The following ASTN1 variants were observed in gnomAD, a reference collection of about 807,000 sequenced individuals.
ASTN1 encodes the protein astrotactin-1.
Under a neutral mutation model 140.7 loss-of-function variants are expected in ASTN1, and 41 were observed. The ratio of observed to expected loss-of-function variants is 0.29; its 90% CI spans 0.23 to 0.38. The LOEUF is 0.38. Ranked by LOEUF, ASTN1 falls within the 10% of genes least tolerant of loss-of-function variation. The probability of loss-of-function intolerance (pLI) is 1.00; values close to 1 mark genes in which losing one functional copy is unlikely to be tolerated. For synonymous variants in ASTN1, 640 were observed against 652.2 expected (o/e 0.98, Z 0.29); for missense variants, 1,479 against 1,678.8 (o/e 0.88, Z 2.08).
intron 2 of ASTN1, among the ~76,000 whole-genome samples, chr1:177,036,884 A>G (rs1260515808): frequency 1.3e-5 from 2 of 151,740 alleles, no homozygotes; most frequent in East Asian, 3.9e-4. Flanking sequence ...CAGAGGTGTG[A>G]TCTTGGCCCA....
At chr1:176,933,579 C>T (rs904351447) in intron 16 of ASTN1, among the ~76,000 whole-genome samples, 1 of 152,166 alleles carries the variant, frequency 6.6e-6, no homozygotes, top group Admixed American at 6.5e-5. Flanking sequence ...GAACTGAATA[C>T]TAACTTGCTG....
intron 17 of ASTN1, among the ~76,000 whole-genome samples, chr1:176,891,824 C>A (rs1404507233): frequency 6.6e-6 from 1 of 151,914 alleles, no homozygotes; most frequent in Non-Finnish European, 1.5e-5. Flanking sequence ...CAAAAACAAA[C>A]AACAAAAACA....
chr1:176,863,935 A>G lies in ASTN1; in HGVS notation c.*349T>C, dbSNP rs1254127669. On this transcript the variant is annotated 3_prime_UTR_variant, in exon 23 of 23. Transcript: ENST00000361833. ...TGAGTGAGCACAGGGTGCCTACTTA[A>G]TAGACTTTTCATGGGGAGCACGGCA... The G allele has an allele frequency of 9.2e-7, 1 of 1,082,330 alleles. No individual in the cohort carries two copies. Among genetic ancestry groups the G allele is most frequent in the Non-Finnish European group, 1.1e-6 (1 of 888,736 alleles). The allele number at this position is 1,082,330 out of a possible 1,614,324, so 67.0% of individuals were successfully genotyped here.
intron 8 of ASTN1, among the ~76,000 whole-genome samples, chr1:176,965,495 G>A (rs535596588): frequency 2.6e-5 from 4 of 152,334 alleles, no homozygotes; most frequent in African/African-American, 9.6e-5. Flanking sequence ...TACATATAGA[G>A]TAAAACTATA....
chr1:177,108,580 G>C (rs1680664564), intron 1 of ASTN1, among the ~76,000 whole-genome samples: 1 of 151,982 alleles, frequency 6.6e-6, no homozygotes, highest in Non-Finnish European at 1.5e-5. Flanking sequence ...CCCACTCCCT[G>C]CCCCAACACA....
chr1:176,963,448 T>C (rs1173370067), intron 9 of ASTN1, among the ~76,000 whole-genome samples: 2 of 152,184 alleles, frequency 1.3e-5, no homozygotes, highest in Non-Finnish European at 2.9e-5. Flanking sequence ...AGGCTAGTTA[T>C]TTCCATGTTA....
At chr1:176,984,661 T>A (rs1367334668) in intron 8 of ASTN1, among the ~76,000 whole-genome samples, 2 of 152,228 alleles carry the variant, frequency 1.3e-5, no homozygotes, top group South Asian at 2.1e-4. Context: ...GAAATGGTGA[T>A]AAGCAATCAA....
chr1:176,918,433 A>C (rs1670583685), intron 16 of ASTN1, among the ~76,000 whole-genome samples: 2 of 152,076 alleles, frequency 1.3e-5, no homozygotes, highest in Admixed American at 6.6e-5. Context: ...ACAGGCCTAC[A>C]TGAAGCTCTT....
chr1:176,910,045 C>T (rs1345577360), intron 16 of ASTN1, among the ~76,000 whole-genome samples: 2 of 152,074 alleles, frequency 1.3e-5, no homozygotes, highest in Admixed American at 6.6e-5. Context: ...ATGCAACCAT[C>T]CCCCAACAAA....
At chr1:176,872,551 A>G (rs987573764) in intron 21 of ASTN1, among the ~76,000 whole-genome samples, 1 of 152,240 alleles carries the variant, frequency 6.6e-6, no homozygotes, top group Non-Finnish European at 1.5e-5. Context: ...GATGTAGAGC[A>G]TGAGAGCAGG....
intron 1 of ASTN1, among the ~76,000 whole-genome samples, chr1:177,113,048 G>A (rs916607317): frequency 3.3e-5 from 5 of 152,130 alleles, no homozygotes; most frequent in Admixed American, 3.3e-4. Flanking sequence ...GCACAGAGCC[G>A]ACCTGCATGA....
intron 8 of ASTN1, among the ~76,000 whole-genome samples, chr1:176,979,156 G>A (rs1042154377): frequency 2.6e-5 from 4 of 152,174 alleles, no homozygotes; most frequent in South Asian, 4.1e-4. Context: ...CTGGGCTATA[G>A]GGGGATCATG....
At chr1:177,018,751 C>T (rs1046606184) in intron 7 of ASTN1, among the ~76,000 whole-genome samples, 4 of 152,148 alleles carry the variant, frequency 2.6e-5, no homozygotes, top group African/African-American at 4.8e-5. Context: ...GTCACTGAAA[C>T]CAGGTAGTCT....
chr1:176,951,717 C>T (rs577767816), intron 11 of ASTN1, among the ~76,000 whole-genome samples: 19 of 152,310 alleles, frequency 1.2e-4, no homozygotes, highest in Admixed American at 6.5e-4. Context: ...ATGACCACTG[C>T]TATCCCAAAT....
intron 1 of ASTN1, among the ~76,000 whole-genome samples, chr1:177,077,529 T>C (rs1571749568): frequency 6.6e-6 from 1 of 152,310 alleles, no homozygotes; most frequent in Middle Eastern, 3.4e-3. Flanking sequence ...AATAAAGTAA[T>C]AAATGTAAAG....
At chr1:176,936,522 C>T in intron 14 of ASTN1, 152 bp from the exon 15 acceptor site, 1 of 663,956 alleles carries the variant, frequency 1.5e-6, no homozygotes, top group Non-Finnish European at 2.6e-6. Context: ...ACCATAGTAA[C>T]AACAGTTATC....
chr1:177,136,568 G>A (rs1222895060), intron 1 of ASTN1, among the ~76,000 whole-genome samples: 1 of 152,020 alleles, frequency 6.6e-6, no homozygotes, highest in Non-Finnish European at 1.5e-5. Flanking sequence ...TGGCCATGCT[G>A]GTCTTGAATT....
At chr1:177,032,171 C>A (rs58094929) in intron 3 of ASTN1, among the ~76,000 whole-genome samples, 1 of 152,194 alleles carries the variant, frequency 6.6e-6, no homozygotes, top group African/African-American at 2.4e-5. Flanking sequence ...TCATTACATA[C>A]TAAAATGGCT....
Position 177,149,625 on chromosome 1 carries a change from C to CAG in ASTN1, c.283+14768_283+14769insCT, listed in dbSNP as rs1491302815. ...TATATATATAGTAAATATATATACACTGTATATATATAGTAAATATATATA... is the reference window on the plus strand; with the variant it reads ...TATATATATAGTAAATATATATACACAGTGTATATATATAGTAAATATATATA... On this transcript the variant is annotated intron_variant, in intron 1 of 22. Coordinates refer to ENST00000361833, the MANE Select transcript of ASTN1 (RefSeq NM_004319.3). Among the ~76,000 whole-genome samples the CAG allele has an allele frequency of 6.2e-5, 4 of 64,806 alleles. No homozygotes were observed. The East Asian group carries it at 1.7e-3, about 28-fold the overall frequency. The allele number at this position is 64,806 out of a possible 152,430, so 42.5% of individuals were successfully genotyped here. A position where few individuals can be genotyped will look rare whatever the true frequency, so the allele number is the denominator to read the frequency against.
Sources: allele counts gnomAD v4.1 joint callset (sites outside exome capture counted in the v4.1 genomes callset), GRCh38; gene constraint gnomAD v4.1.1; transcripts MANE v1.5; gene names NCBI Gene and HGNC (gene_info 2026-07-23, HGNC 2026-07-21).